Variants in LRRK1 observed in about 807,000 individuals in gnomAD.
The protein encoded by LRRK1 is leucine rich repeat kinase 1.
In LRRK1, 113 loss-of-function variants were observed where a neutral mutation model predicts 209.1. That is an observed-to-expected ratio of 0.54 (90% CI 0.46 to 0.63). LRRK1 has a LOEUF of 0.63. Among genes scored for constraint, LRRK1 ranks in the 30% least tolerant of loss-of-function variants. LRRK1 has a pLI of 0.00. For synonymous variants in LRRK1, 1,144 were observed against 1,099.7 expected (o/e 1.04, Z -0.80); for missense variants, 2,284 against 2,632.2 (o/e 0.87, Z 2.89).
intron 20 of LRRK1, among the ~76,000 whole-genome samples, chr15:101,030,788 C>CG (rs1567248017): frequency 6.6e-6 from 1 of 152,132 alleles, no homozygotes; most frequent in Non-Finnish European, 1.5e-5. Context: ...CATCAGTTAT[C>CG]GGGGTACAGT....
chr15:101,072,957 G>T lies in LRRK1; in HGVS notation c.*4109G>T, dbSNP rs910326437. Reference sequence around the variant, plus strand: ...GGTGCCGTAACTGGCGCGGGGGGAGGGGGGGGGGAACCTCCCTTGGGAGAT... The same window carrying T: ...GGTGCCGTAACTGGCGCGGGGGGAGTGGGGGGGGAACCTCCCTTGGGAGAT... On this transcript the variant is annotated 3_prime_UTR_variant, in exon 34 of 34. Transcript: ENST00000388948. 7 of 45,646 alleles carry T rather than the reference G, an allele frequency of 1.5e-4. No homozygotes were observed. Among genetic ancestry groups the T allele is most frequent in the South Asian group, 7.0e-4 (1 of 1,420 alleles). The allele number at this position is 45,646 out of a possible 1,614,324, so 2.8% of individuals were successfully genotyped here. A position where few individuals can be genotyped will look rare whatever the true frequency, so the allele number is the denominator to read the frequency against.
At position 101,030,156 on chromosome 15, in the gene LRRK1, C is replaced by T. The variant is rs1470375000; in HGVS notation, c.2963+924C>T. Among the ~76,000 whole-genome samples the T allele has an allele frequency of 3.9e-5, 6 of 152,298 alleles. No individual in the cohort carries two copies. The East Asian group carries it at 1.2e-3, about 29-fold the overall frequency. The stretch of plus-strand genomic sequence containing the variant: ...TCCTCCTTTTCTTGCTCCCCAGCAC[C>T]TGCCGCTCCTCATGACTTTGTGCTG... On this transcript the variant is annotated intron_variant, in intron 20 of 33. Coordinates refer to ENST00000388948, the MANE Select transcript of LRRK1 (RefSeq NM_024652.6).
At chr15:101,015,077 C>T (rs2033464775) in intron 11 of LRRK1, among the ~76,000 whole-genome samples, 1 of 152,184 alleles carries the variant, frequency 6.6e-6, no homozygotes, top group Non-Finnish European at 1.5e-5. Context: ...AGACCAGCCG[C>T]CCCCGTTATC....
At chr15:100,930,398 C>G (rs1887424308) in intron 2 of LRRK1, among the ~76,000 whole-genome samples, 1 of 152,148 alleles carries the variant, frequency 6.6e-6, no homozygotes, top group South Asian at 2.1e-4. Flanking sequence ...GGAGAGCTGC[C>G]CCTACCTGCT....
At chr15:100,973,666 G>A in intron 2 of LRRK1, 138 bp from the exon 3 acceptor site, 1 of 898,540 alleles carries the variant, frequency 1.1e-6, no homozygotes. Context: ...GAGCGTCGCG[G>A]GGCCACCCCT....
At chr15:100,941,290 CTGTGTGTG>C (rs1806637622) in intron 2 of LRRK1, among the ~76,000 whole-genome samples, 1 of 28,200 alleles carries the variant, frequency 3.5e-5, no homozygotes, top group African/African-American at 2.2e-4. Context: ...GTGTGTGTGT[CTGTGTGTG>C]TCTATGTGTG....
chr15:100,922,402 A>G (rs1596146457), intron 1 of LRRK1, among the ~76,000 whole-genome samples: 1 of 152,218 alleles, frequency 6.6e-6, no homozygotes, highest in East Asian at 1.9e-4. Flanking sequence ...AGGGGAACAA[A>G]ATGTGCTGGG....
intron 2 of LRRK1, among the ~76,000 whole-genome samples, chr15:100,925,062 A>T (rs924126636): frequency 1.3e-5 from 2 of 152,022 alleles, no homozygotes; most frequent in Admixed American, 6.5e-5. Context: ...AAAATAATTT[A>T]AAAAAAAGGA....
At chr15:101,007,378 T>G (rs749470909) in intron 6 of LRRK1, among the ~76,000 whole-genome samples, 1 of 152,192 alleles carries the variant, frequency 6.6e-6, no homozygotes, top group South Asian at 2.1e-4. Flanking sequence ...GAGCCCAATA[T>G]TCTTCGGTAA....
At chr15:101,021,479 G>C (rs535830612) in intron 13 of LRRK1, among the ~76,000 whole-genome samples, 2 of 152,228 alleles carry the variant, frequency 1.3e-5, no homozygotes, top group Admixed American at 1.3e-4. Context: ...ACTGCCAGGG[G>C]TTCTAGGCAG....
chr15:101,059,785 G>A (rs1046182540), intron 29 of LRRK1, among the ~76,000 whole-genome samples: 10 of 152,252 alleles, frequency 6.6e-5, no homozygotes, highest in African/African-American at 2.4e-4. Context: ...GACCCAGACT[G>A]TGGTCTCTAA....
intron 6 of LRRK1, among the ~76,000 whole-genome samples, chr15:101,005,343 C>T (rs192472330): frequency 2.7e-3 from 407 of 151,982 alleles, no homozygotes; most frequent in African/African-American, 8.0e-3. Context: ...AATATTGGGA[C>T]GAGAACTGAC....
chr15:101,020,920 T>C (rs2033753166), intron 12 of LRRK1, 133 bp from the exon 13 acceptor site: 2 of 871,976 alleles, frequency 2.3e-6, no homozygotes, highest in Non-Finnish European at 3.7e-6. Context: ...GTCGATGAGG[T>C]GAGCATTTTG....
chr15:101,055,371 T>A (rs911593535), intron 27 of LRRK1, 148 bp downstream of exon 27: 1 of 780,372 alleles, frequency 1.3e-6, no homozygotes, highest in Admixed American at 3.7e-5. Context: ...ATGAGGGAGG[T>A]TCTGGCTTGA....
At chr15:101,058,617 C>CAGGGAGTGG (rs1555479975) in intron 29 of LRRK1, among the ~76,000 whole-genome samples, 2 of 75,366 alleles carry the variant, frequency 2.7e-5, no homozygotes, top group East Asian at 3.7e-4. Flanking sequence ...GAAGGGGCAA[C>CAGGGAGTGG]GGGGGGGGGC....
intron 2 of LRRK1, among the ~76,000 whole-genome samples, chr15:100,963,111 C>T (rs1227212955): frequency 6.6e-6 from 1 of 151,818 alleles, no homozygotes; most frequent in East Asian, 1.9e-4. Flanking sequence ...GCATGAGCCA[C>T]CACGCCCAGC....
At chr15:100,947,051 C>A (rs1825384071) in intron 2 of LRRK1, among the ~76,000 whole-genome samples, 3 of 152,076 alleles carry the variant, frequency 2.0e-5, no homozygotes, top group Non-Finnish European at 4.4e-5. Flanking sequence ...CTCACTGCAA[C>A]CTCCGCCTCC....
At chr15:101,023,861 T>C (rs1171613257) in intron 15 of LRRK1, among the ~76,000 whole-genome samples, 1 of 152,150 alleles carries the variant, frequency 6.6e-6, no homozygotes, top group African/African-American at 2.4e-5. Context: ...TCCTAGAACA[T>C]TCCAGGAGCA....
chr15:100,982,020 TCA>T (rs1156245903), intron 3 of LRRK1, among the ~76,000 whole-genome samples: 1 of 152,170 alleles, frequency 6.6e-6, no homozygotes, highest in Non-Finnish European at 1.5e-5. Flanking sequence ...GTCCCACCTG[TCA>T]CACACAGTAG....
Sources: gnomAD v4.1 joint callset for allele counts (sites outside exome capture counted in the v4.1 genomes callset) on GRCh38, gnomAD v4.1.1 for gene constraint, MANE v1.5 for transcripts, NCBI Gene and HGNC (gene_info 2026-07-23, HGNC 2026-07-21) for gene names.